The following PPP1R21 variants were observed in gnomAD, a reference collection of about 807,000 sequenced individuals.
PPP1R21 encodes the protein protein phosphatase 1 regulatory subunit 21.
Under a neutral mutation model 112.8 loss-of-function variants are expected in PPP1R21, and 85 were observed. The observed-to-expected ratio is 0.75, with a 90% CI of 0.63 to 0.90. PPP1R21 has a LOEUF of 0.90. Ranked by LOEUF, PPP1R21 falls within the 40% of genes least tolerant of loss-of-function variation. The probability of loss-of-function intolerance (pLI) is 0.00; values close to 1 mark genes in which losing one functional copy is unlikely to be tolerated. For synonymous variants in PPP1R21, 381 were observed against 322.3 expected, an observed-to-expected ratio of 1.18 and a Z score of -1.95; for missense variants, 1,199 against 901.5, an observed-to-expected ratio of 1.33 and a Z score of -4.23.
intron 9 of PPP1R21, among the ~76,000 whole-genome samples, chr2:48,470,082 CATT>C (rs1434811860): frequency 2.0e-5 from 3 of 152,120 alleles, no homozygotes; most frequent in Non-Finnish European, 4.4e-5. Context: ...TATTATGTAA[CATT>C]AGATAATTGA....
intron 13 of PPP1R21, among the ~76,000 whole-genome samples, chr2:48,481,801 A>G (rs1291979340): frequency 6.6e-6 from 1 of 152,222 alleles, no homozygotes; most frequent in Non-Finnish European, 1.5e-5. Context: ...GAAATCCAAA[A>G]TGCTTCAAAA....
At chr2:48,456,984 C>G (rs1482539036) in intron 3 of PPP1R21, among the ~76,000 whole-genome samples, 1 of 150,156 alleles carries the variant, frequency 6.7e-6, no homozygotes, top group Non-Finnish European at 1.5e-5. Context: ...TCCAGGAAGC[C>G]GAGGTTGCAG....
At chr2:48,499,843 C>A (rs1288216509) in intron 17 of PPP1R21, among the ~76,000 whole-genome samples, 1 of 152,152 alleles carries the variant, frequency 6.6e-6, no homozygotes. Flanking sequence ...TTTCTAATTA[C>A]ACTATTCTGT....
At chr2:48,449,521 T>C (rs1464857515) in intron 1 of PPP1R21, among the ~76,000 whole-genome samples, 1 of 152,220 alleles carries the variant, frequency 6.6e-6, no homozygotes, top group Non-Finnish European at 1.5e-5. Context: ...AAGAATCTCA[T>C]CTTTTTAGTC....
At chr2:48,487,937 A>G (rs563255514) in intron 14 of PPP1R21, among the ~76,000 whole-genome samples, 2 of 152,160 alleles carry the variant, frequency 1.3e-5, no homozygotes, top group African/African-American at 4.8e-5. Flanking sequence ...ATCTTAGCCC[A>G]TTTATTGCAG....
intron 12 of PPP1R21, among the ~76,000 whole-genome samples, chr2:48,476,096 A>T (rs759158917): frequency 6.6e-6 from 1 of 152,108 alleles, no homozygotes. Context: ...TATTTTAGCT[A>T]TTGCCCTCCC....
chr2:48,460,276 A>G (rs1173724008), intron 6 of PPP1R21, 123 bp downstream of exon 6: 2 of 939,934 alleles, frequency 2.1e-6, no homozygotes, highest in East Asian at 5.3e-5. Flanking sequence ...GGAGTAATCT[A>G]CAGGGTCCTT....
At chr2:48,476,798 G>A (rs890261806) in intron 12 of PPP1R21, among the ~76,000 whole-genome samples, 1 of 152,048 alleles carries the variant, frequency 6.6e-6, no homozygotes, top group African/African-American at 2.4e-5. Flanking sequence ...TAGGTTGTCT[G>A]TTTATTATTG....
intron 13 of PPP1R21, among the ~76,000 whole-genome samples, chr2:48,482,077 C>G (rs182997675): frequency 1.3e-5 from 2 of 152,308 alleles, no homozygotes; most frequent in Admixed American, 6.5e-5. Flanking sequence ...GTCCAAAACA[C>G]TGCTGGTCCT....
intron 17 of PPP1R21, among the ~76,000 whole-genome samples, chr2:48,504,424 C>T (rs1407465971): frequency 1.3e-5 from 2 of 152,072 alleles, no homozygotes; most frequent in Admixed American, 6.6e-5. Context: ...AGGCAGATCA[C>T]GAGGTCAGGA....
chr2:48,476,586 A>C (rs1469429039), intron 12 of PPP1R21, among the ~76,000 whole-genome samples: 2 of 152,092 alleles, frequency 1.3e-5, no homozygotes, highest in Non-Finnish European at 2.9e-5. Flanking sequence ...GAGGGTTCTA[A>C]TTTCTCCACA....
Position 48,478,406 on chromosome 2 carries a change from C to T in PPP1R21, c.1226-1518C>T, listed in dbSNP as rs532933852. ...TAGTTTTTAGCATGTAAGTTTTGTGCCATGATGTTGCTTCTCAAGGATTCA... is the reference window on the plus strand; with the variant it reads ...TAGTTTTTAGCATGTAAGTTTTGTGTCATGATGTTGCTTCTCAAGGATTCA... On this transcript the variant is annotated intron_variant, in intron 12 of 21. Coordinates refer to ENST00000294952, the MANE Select transcript of PPP1R21 (RefSeq NM_001135629.3). Among the ~76,000 whole-genome samples the T allele has an allele frequency of 2.0e-3, 307 of 152,236 alleles. 2 individuals carry two copies. The highest frequency in any genetic ancestry group is 7.1e-3 in the African/African-American group (294 of 41,550).
intron 17 of PPP1R21, 84 bp downstream of exon 17, chr2:48,498,819 T>C: frequency 7.3e-7 from 1 of 1,375,990 alleles, no homozygotes; most frequent in Non-Finnish European, 1.0e-6. Context: ...ACCATTGTCT[T>C]AGTTCATTCA....
chr2:48,447,438 A>G (rs1022768551), intron 1 of PPP1R21, among the ~76,000 whole-genome samples: 1 of 152,202 alleles, frequency 6.6e-6, no homozygotes, highest in Admixed American at 6.5e-5. Context: ...ACAGCTGTTG[A>G]AAATAAGCTC....
intron 9 of PPP1R21, 29 bp from the exon 10 acceptor site, chr2:48,471,058 T>G (rs757958961): frequency 7.1e-7 from 1 of 1,418,040 alleles, no homozygotes; most frequent in Non-Finnish European, 9.9e-7. Flanking sequence ...TCCAGTGATT[T>G]AATTCACAAT....
chr2:48,468,092 C>A (rs929389905), intron 9 of PPP1R21, among the ~76,000 whole-genome samples: 1 of 152,196 alleles, frequency 6.6e-6, no homozygotes, highest in Non-Finnish European at 1.5e-5. Context: ...TCCATTTCTG[C>A]CACTTTCTCA....
chr2:48,462,554 A>G (rs1240457880), intron 7 of PPP1R21, among the ~76,000 whole-genome samples: 1 of 152,162 alleles, frequency 6.6e-6, no homozygotes, highest in Non-Finnish European at 1.5e-5. Context: ...GAAGTATGGT[A>G]TATAGGAGAA....
At chr2:48,489,474 C>T (rs1464812783) in intron 14 of PPP1R21, among the ~76,000 whole-genome samples, 1 of 151,658 alleles carries the variant, frequency 6.6e-6, no homozygotes, top group Non-Finnish European at 1.5e-5. Context: ...TCCCAAGTAG[C>T]TGGGAACACA....
chr2:48,458,117 T>G lies in PPP1R21; in HGVS notation c.274-9T>G, dbSNP rs772595754. The G allele has an allele frequency of 3.2e-6, 5 of 1,584,248 alleles. No homozygotes were observed. The highest frequency in any genetic ancestry group is 4.3e-6 in the Non-Finnish European group (5 of 1,154,012). ...AAGTTATGTGGACATAACTTATTCT[T>G]TCCATCAGAAAAGTGGAGAATCTTC... On this transcript the variant is annotated splice_polypyrimidine_tract_variant and intron_variant, in intron 3 of 21. Coordinates refer to ENST00000294952, the MANE Select transcript of PPP1R21 (RefSeq NM_001135629.3).
Sources: gnomAD v4.1 joint callset for allele counts (sites outside exome capture counted in the v4.1 genomes callset) on GRCh38, gnomAD v4.1.1 for gene constraint, MANE v1.5 for transcripts, NCBI Gene and HGNC (gene_info 2026-07-23, HGNC 2026-07-21) for gene names.